RNF32: variants seen among roughly 807,000 people sequenced by gnomAD.
The protein encoded by RNF32 is ring finger protein 32.
RNF32 carries 36 observed loss-of-function variants against 41.0 expected under a neutral mutation model. The ratio of observed to expected loss-of-function variants is 0.88; its 90% CI spans 0.67 to 1.16. The LOEUF (loss-of-function observed/expected upper bound fraction) is 1.16. Ranked by LOEUF, RNF32 falls within the 50% of genes most tolerant of loss-of-function variation. The pLI is 0.00. For missense variants in RNF32, 413 were observed against 436.7 expected (o/e 0.95, Z 0.48); for synonymous variants, 154 against 160.9 (o/e 0.96, Z 0.32).
intron 3 of RNF32, chr7:156,646,654 G>T: frequency 2.3e-6 from 1 of 434,880 alleles, no homozygotes; most frequent in South Asian, 2.1e-5. Flanking sequence ...GCATCAATGA[G>T]AACGGAATCC....
intron 5 of RNF32, 38 bp downstream of exon 5, chr7:156,657,611 T>G (rs1210780906): frequency 6.2e-7 from 1 of 1,600,420 alleles, no homozygotes; most frequent in African/African-American, 1.3e-5. Context: ...GTGCTGCACA[T>G]GTCGCTCTCA....
At chr7:156,671,417 G>A (rs2365511) in intron 7 of RNF32, among the ~76,000 whole-genome samples, 99,048 of 152,104 alleles carry the variant, frequency 0.65, 34,545 homozygotes, top group African/African-American at 0.9. Context: ...GATACCTGAC[G>A]AAAGAGATTC....
At chr7:156,661,322 AT>A (rs112482414) in intron 7 of RNF32, among the ~76,000 whole-genome samples, 2,587 of 144,056 alleles carry the variant, frequency 0.018, 54 homozygotes, top group African/African-American at 0.058. Flanking sequence ...GGGCCTTAGG[AT>A]TTTTTTTTTT....
upstream of RNF32, chr7:156,640,289 A>G (rs893505763): frequency 1.6e-5 from 7 of 449,450 alleles, no homozygotes; most frequent in African/African-American, 1.4e-4. Context: ...CTGGAACGGG[A>G]ACGACCACAG....
At chr7:156,647,735 T>C (rs1268983133) in intron 3 of RNF32, among the ~76,000 whole-genome samples, 1 of 152,236 alleles carries the variant, frequency 6.6e-6, no homozygotes, top group Non-Finnish European at 1.5e-5. Context: ...AGATCCACTT[T>C]TAGTTATTCA....
At chr7:156,662,443 G>C (rs1800783940) in intron 7 of RNF32, among the ~76,000 whole-genome samples, 1 of 152,164 alleles carries the variant, frequency 6.6e-6, no homozygotes, top group Non-Finnish European at 1.5e-5. Flanking sequence ...GGGATGCTCA[G>C]GTTATCTGGT....
At chr7:156,675,936 G>A (rs964904765) in intron 8 of RNF32, 73 bp downstream of exon 8, 1 of 1,457,818 alleles carries the variant, frequency 6.9e-7, no homozygotes. Flanking sequence ...GTGGCATGTG[G>A]GGGGAGGTCG....
chr7:156,647,698 A>G (rs747294701), intron 3 of RNF32, among the ~76,000 whole-genome samples: 20 of 152,240 alleles, frequency 1.3e-4, no homozygotes, highest in Admixed American at 2.6e-4. Flanking sequence ...GTAGACACCC[A>G]GTAGTGGGAT....
rs1055919764 is a variant in RNF32, at chr7:156,646,440, C to T, written c.274+1683C>T. ...CTAGGTGTGATTGTACTCTCCCTTT[C>T]CTCTTCTTATAAGGATACCATTCAT... On this transcript the variant is annotated intron_variant, in intron 3 of 8. Transcript: ENST00000317955. 4 of 1,303,710 alleles carry T rather than the reference C, an allele frequency of 3.1e-6. No individual in the cohort carries two copies. The African/African-American group carries it at 6.1e-5, about 20-fold the overall frequency. The allele number at this position is 1,303,710 out of a possible 1,614,324, so 80.8% of individuals were successfully genotyped here.
In RNF32 at chr7:156,664,440, G is replaced by A. The variant is rs181456369; in HGVS notation, c.684+5870G>A. Among the ~76,000 whole-genome samples the A allele has an allele frequency of 1.1e-4, 17 of 152,030 alleles. 1 individual carries two copies. Among genetic ancestry groups the A allele is most frequent in the Admixed American group, 9.2e-4 (14 of 15,288 alleles). ...CGTGCCATTGCACTCCAGCCTGGGC[G>A]ACAAGAGTCAAACTCCATCCAAAAA... On this transcript the variant is annotated intron_variant, in intron 7 of 8. Coordinates refer to ENST00000317955, the MANE Select transcript of RNF32 (RefSeq NM_030936.4).
intron 3 of RNF32, among the ~76,000 whole-genome samples, chr7:156,651,215 C>CT (rs201556848): frequency 0.055 from 7,635 of 138,722 alleles, 262 homozygotes; most frequent in Non-Finnish European, 0.073. Flanking sequence ...TTTAATATTT[C>CT]TTTTTTTTTT....
At chr7:156,653,819 T>G (rs757644249) in intron 3 of RNF32, among the ~76,000 whole-genome samples, 14 of 152,026 alleles carry the variant, frequency 9.2e-5, no homozygotes, top group Admixed American at 5.9e-4. Context: ...TCATAGAAAG[T>G]TTTTAGCAGG....
At chr7:156,676,120 G>C in intron 8 of RNF32, 1 of 866,324 alleles carries the variant, frequency 1.2e-6, no homozygotes, top group Non-Finnish European at 1.7e-6. Flanking sequence ...TTCCTCATGG[G>C]CTTTAGGGTG....
intron 3 of RNF32, among the ~76,000 whole-genome samples, chr7:156,653,794 G>A (rs1799142322): frequency 6.6e-6 from 1 of 152,172 alleles, no homozygotes; most frequent in Non-Finnish European, 1.5e-5. Flanking sequence ...ACTTTATTCT[G>A]ACCGTGATGA....
At chr7:156,645,008 T>C (rs1447087732) in intron 3 of RNF32, among the ~76,000 whole-genome samples, 3 of 152,138 alleles carry the variant, frequency 2.0e-5, no homozygotes, top group East Asian at 1.9e-4. Context: ...TTGATTCACA[T>C]TGATAAAAAT....
chr7:156,650,863 C>A (rs1306158931), intron 3 of RNF32, among the ~76,000 whole-genome samples: 1 of 152,220 alleles, frequency 6.6e-6, no homozygotes, highest in Non-Finnish European at 1.5e-5. Flanking sequence ...GCCAGGTGCT[C>A]TCTCACTAAT....
At chr7:156,642,815 G>A (rs764489132) in intron 1 of RNF32, among the ~76,000 whole-genome samples, 43 of 152,226 alleles carry the variant, frequency 2.8e-4, no homozygotes, top group Non-Finnish European at 5.3e-4. Context: ...CACAGCACAT[G>A]GGGAGGACGT....
chr7:156,643,172 A>AT (rs1056148258), intron 1 of RNF32: 11 of 152,266 alleles, frequency 7.2e-5, no homozygotes, highest in African/African-American at 2.7e-4. Flanking sequence ...AGCCAGCGTT[A>AT]TTATACCTGC....
chr7:156,666,881 T>C (rs1486367326), intron 7 of RNF32, among the ~76,000 whole-genome samples: 1 of 152,178 alleles, frequency 6.6e-6, no homozygotes, highest in Non-Finnish European at 1.5e-5. Flanking sequence ...CAATTAAAAC[T>C]TCTCAAGTGC....
Sources: allele counts gnomAD v4.1 joint callset (sites outside exome capture counted in the v4.1 genomes callset), GRCh38; gene constraint gnomAD v4.1.1; transcripts MANE v1.5; gene names NCBI Gene and HGNC (gene_info 2026-07-23, HGNC 2026-07-21).